NACC2: variants seen among roughly 807,000 people sequenced by gnomAD.
NACC2 encodes the protein nucleus accumbens-associated protein 2.
Under a neutral mutation model 25.1 loss-of-function variants are expected in NACC2, and 8 were observed. The ratio of observed to expected loss-of-function variants is 0.32; its 90% CI spans 0.19 to 0.57. The LOEUF (loss-of-function observed/expected upper bound fraction) is 0.57. Ranked by LOEUF, NACC2 falls within the 20% of genes least tolerant of loss-of-function variation. NACC2 has a pLI of 0.89. For missense variants in NACC2, 644 were observed against 650.2 expected (o/e 0.99, Z 0.10); for synonymous variants, 435 against 294.7 (o/e 1.48, Z -4.88).
rs1413810289 is a variant in NACC2 at position 136,086,892 on chromosome 9, G to A, written c.-60+8297C>T. On this transcript the variant is annotated intron_variant, in intron 1 of 5. Transcript: ENST00000277554. The surrounding 1 kb of genome is among the most constrained non-coding windows in gnomAD (Gnocchi z 5.6). Reference sequence around the variant, plus strand: ...CCCCAGTGCCCTCTACGCACTAAAGGCTTTCTGCCCCTCCCACACCACACC... The same window carrying A: ...CCCCAGTGCCCTCTACGCACTAAAGACTTTCTGCCCCTCCCACACCACACC... Among the ~76,000 whole-genome samples, 1 of 152,204 alleles carries A rather than the reference G, an allele frequency of 6.6e-6. No individual in the cohort carries two copies. The highest frequency in any genetic ancestry group is 1.5e-5 in the Non-Finnish European group (1 of 68,028).
At chr9:136,036,013 A>G (rs936203026) in intron 2 of NACC2, among the ~76,000 whole-genome samples, 93 of 152,352 alleles carry the variant, frequency 6.1e-4, no homozygotes, top group Non-Finnish European at 1.1e-3. Flanking sequence ...TATTGTACAA[A>G]AAGTTTGATA....
intron 2 of NACC2, among the ~76,000 whole-genome samples, chr9:136,047,028 C>A (rs1410492847): frequency 6.6e-6 from 1 of 152,198 alleles, no homozygotes; most frequent in African/African-American, 2.4e-5. Context: ...CTCAGGCCCG[C>A]CTCTCACTCA....
intron 2 of NACC2, among the ~76,000 whole-genome samples, chr9:136,049,307 G>C (rs1055199002): frequency 3.3e-5 from 5 of 152,192 alleles, no homozygotes; most frequent in South Asian, 2.1e-4. Flanking sequence ...GGGTCCTCCC[G>C]TACACCGCGT....
At chr9:136,083,181 C>A (rs1830341900) in intron 1 of NACC2, among the ~76,000 whole-genome samples, 1 of 152,228 alleles carries the variant, frequency 6.6e-6, no homozygotes. Flanking sequence ...ACGCTCCCAA[C>A]AGAAGAGCCA....
Position 136,032,997 on chromosome 9 carries a change from A to G in NACC2, c.887-16568T>C, listed in dbSNP as rs1372648840. On this transcript the variant is annotated intron_variant, in intron 2 of 5. Transcript: ENST00000277554. ...CACACCACTGAACTCCAGCCTGGGC[A>G]ACAGAGCAAGATTCCATCTCAAAAA... Among the ~76,000 whole-genome samples, 5 of 152,062 alleles carry G rather than the reference A, an allele frequency of 3.3e-5. No individual in the cohort carries two copies. In the South Asian group the frequency reaches 8.3e-4, roughly 25 times the overall value.
At chr9:136,051,880 A>AGGAGGAGGAGGAGGAGGAGATGGT (rs1840847220) in intron 1 of NACC2, among the ~76,000 whole-genome samples, 4 of 102,372 alleles carry the variant, frequency 3.9e-5, no homozygotes, top group Non-Finnish European at 7.8e-5. Flanking sequence ...GCCGGCAAGG[A>AGGAGGAGGAGGAGGAGGAGATGGT]GGAGGAGGAG....
chr9:136,016,367 G>GGTC lies in NACC2; in HGVS notation c.946_948dup (p.Asp316dup), dbSNP rs1298293698. The GGTC allele has an allele frequency of 6.2e-7, 1 of 1,611,928 alleles. No individual in the cohort carries two copies. Among genetic ancestry groups the GGTC allele is most frequent in the Admixed American group, 1.7e-5 (1 of 60,026 alleles). Reference sequence around the variant, plus strand: ...ATGAGGCTGGCAGGTAGGGCCACGAGGTCGCGGCGGATGAGGACGCAGGAG... The same window carrying GGTC: ...ATGAGGCTGGCAGGTAGGGCCACGAGGTCGTCGCGGCGGATGAGGACGCAGGAG... On this transcript the variant is annotated inframe_insertion, in exon 3 of 6. Transcript: ENST00000277554.
chr9:136,013,107 G>T lies in NACC2; in HGVS notation c.1255+92C>A. On this transcript the variant is annotated intron_variant, in intron 5 of 5. Transcript: ENST00000277554. The surrounding 1 kb of genome is among the most constrained non-coding windows in gnomAD (Gnocchi z 6.6). ...CCAGGGACGGAAGCTGCAGGTGGCC[G>T]GGAGCACCCCCGCGGCCCACCCAGT... 9.1e-7 allele frequency: 1 copy of T among 1,101,776 alleles called. No individual in the cohort carries two copies. Among genetic ancestry groups the T allele is most frequent in the Non-Finnish European group, 1.3e-6 (1 of 755,984 alleles). The allele number at this position is 1,101,776 out of a possible 1,614,324, so 68.2% of individuals were successfully genotyped here.
chr9:136,063,271 G>C (rs935494551), intron 1 of NACC2, among the ~76,000 whole-genome samples: 2 of 152,226 alleles, frequency 1.3e-5, no homozygotes, highest in South Asian at 4.1e-4. Flanking sequence ...CAACGCACCA[G>C]CGAGGGGGCC....
intron 2 of NACC2, among the ~76,000 whole-genome samples, chr9:136,048,499 G>A (rs1282471597): frequency 1.3e-5 from 2 of 152,330 alleles, no homozygotes; most frequent in Admixed American, 6.5e-5. Context: ...AAGCTGTGAA[G>A]CCCAGATCGA....
chr9:136,017,091 A>C (rs1263617233), intron 2 of NACC2, among the ~76,000 whole-genome samples: 1 of 152,062 alleles, frequency 6.6e-6, no homozygotes, highest in African/African-American at 2.4e-5. Flanking sequence ...CTCCATAAAC[A>C]CTTGCCAATA....
intron 1 of NACC2, among the ~76,000 whole-genome samples, chr9:136,085,189 G>T (rs1243026310): frequency 9.6e-6 from 1 of 104,434 alleles, no homozygotes; most frequent in East Asian, 3.0e-4. Context: ...CGCTCTTGTC[G>T]CCCAGGCTGG....
At chr9:136,092,379 C>G (rs556703337) in intron 1 of NACC2, among the ~76,000 whole-genome samples, 1 of 152,198 alleles carries the variant, frequency 6.6e-6, no homozygotes, top group Non-Finnish European at 1.5e-5. Flanking sequence ...GAGACCAGAC[C>G]CAGTCAGACC....
At chr9:136,093,795 G>GA (rs376648504) in intron 1 of NACC2, among the ~76,000 whole-genome samples, 3 of 144,948 alleles carry the variant, frequency 2.1e-5, no homozygotes, top group African/African-American at 7.6e-5. Flanking sequence ...GCCGGGAGAA[G>GA]AAGGGGTGGG....
intron 1 of NACC2, among the ~76,000 whole-genome samples, chr9:136,057,587 G>A (rs140114982): frequency 3.3e-4 from 51 of 152,366 alleles, no homozygotes; most frequent in African/African-American, 8.4e-4. Context: ...TAAGCTTGAA[G>A]AGCGTCTCCC....
intron 2 of NACC2, among the ~76,000 whole-genome samples, chr9:136,044,064 A>T (rs1453227909): frequency 6.6e-6 from 1 of 152,106 alleles, no homozygotes; most frequent in East Asian, 1.9e-4. Context: ...ACCTTAAGAG[A>T]TCTGCCCACC....
rs375433873 is a variant in NACC2 at position 136,015,497 on chromosome 9, C to T, written c.1051+768G>A. ...GAAGGCGAGGCCAGCCCAGGCAACC[C>T]TCAGGCAGTGGCTCACACCTGAGGC... On this transcript the variant is annotated intron_variant, in intron 3 of 5. Transcript: ENST00000277554. Among the ~76,000 whole-genome samples, 48 of 152,356 alleles carry T rather than the reference C, an allele frequency of 3.2e-4. No homozygotes were observed. The South Asian group carries it at 9.5e-3, about 30-fold the overall frequency.
In NACC2 at chr9:136,011,842, C is replaced by T. The variant is rs569814052; in HGVS notation, c.1438G>A (p.Asp480Asn). 9 of 1,564,818 alleles carry T rather than the reference C, an allele frequency of 5.8e-6. No homozygotes were observed. The East Asian group carries it at 1.4e-4, about 25-fold the overall frequency. Reference protein sequence around the residue: ...MGSAAASVPLDPEFPPAAAQV... With the variant: ...MGSAAASVPLNPEFPPAAAQV... ...GCCGCGGCAGGCGGGAACTCGGGGTCGAGGGGCACGCTGGCGGCGGCGGAG... is the reference window on the plus strand; with the variant it reads ...GCCGCGGCAGGCGGGAACTCGGGGTTGAGGGGCACGCTGGCGGCGGCGGAG... Residue 480 changes from aspartate to asparagine, a missense_variant, in exon 6 of 6, where the codon GAC becomes AAC. Coordinates refer to ENST00000277554, the MANE Select transcript of NACC2 (RefSeq NM_144653.5).
At chr9:136,066,947 T>TAA (rs57371679) in intron 1 of NACC2, among the ~76,000 whole-genome samples, 1 of 140,096 alleles carries the variant, frequency 7.1e-6, no homozygotes, top group Non-Finnish European at 1.6e-5. Context: ...TTAAAAAGAT[T>TAA]AAAAAAAAAA....
Sources: gnomAD v4.1 joint callset for allele counts (sites outside exome capture counted in the v4.1 genomes callset) on GRCh38, gnomAD v4.1.1 for gene constraint, Gnocchi (gnomAD v3.1) non-coding constraint, MANE v1.5 for transcripts, NCBI Gene and HGNC (gene_info 2026-07-23, HGNC 2026-07-21) for gene names.